Variants in MIGA1 observed in about 807,000 individuals in gnomAD.
MIGA1 encodes mitoguardin 1.
A neutral mutation model predicts 82.0 loss-of-function variants in MIGA1; 58 were observed. The ratio of observed to expected loss-of-function variants is 0.71; its 90% CI spans 0.57 to 0.88. MIGA1 has a LOEUF of 0.88. Among genes scored for constraint, MIGA1 ranks in the 40% least tolerant of loss-of-function variants. MIGA1 has a pLI of 0.00. For missense variants in MIGA1, 751 were observed against 749.1 expected (o/e 1.00, Z -0.03); for synonymous variants, 249 against 253.6 (o/e 0.98, Z 0.17).
At chr1:77,850,034 C>CA (rs377438344) in intron 8 of MIGA1, among the ~76,000 whole-genome samples, 13,010 of 97,260 alleles carry the variant, frequency 0.13, 737 homozygotes, top group African/African-American at 0.19. Flanking sequence ...GACTCTCTCT[C>CA]AAAAAAAAAA....
At chr1:77,873,723 G>A (rs886139583) in intron 15 of MIGA1, among the ~76,000 whole-genome samples, 20 of 152,236 alleles carry the variant, frequency 1.3e-4, no homozygotes, top group African/African-American at 4.6e-4. Flanking sequence ...TGCATTTCAA[G>A]GAGCAAATAA....
rs1682873872 is a variant in MIGA1 at position 77,801,378 on chromosome 1, G to T, written c.243G>T (p.Val81=). 1 of 1,589,472 alleles carries T rather than the reference G, an allele frequency of 6.3e-7. No homozygotes were observed. Among genetic ancestry groups the T allele is most frequent in the Admixed American group, 1.9e-5 (1 of 52,052 alleles). The change falls in exon 3 of 16, where the codon GTG becomes GTT. Residue 81 remains valine (V), a synonymous_variant. Coordinates refer to ENST00000370791, the MANE Select transcript of MIGA1 (RefSeq NM_198549.4). ...AAAAGTTGTTTGTGGTAACTGCAGTGAGTGCTATATCTGTAATTTTTCTGG... is the reference window on the plus strand; with the variant it reads ...AAAAGTTGTTTGTGGTAACTGCAGTTAGTGCTATATCTGTAATTTTTCTGG...
intron 2 of MIGA1, among the ~76,000 whole-genome samples, chr1:77,797,909 CCTTT>C (rs1682724448): frequency 1.3e-5 from 2 of 152,096 alleles, no homozygotes; most frequent in Admixed American, 6.6e-5. Context: ...TTTACTTCTT[CCTTT>C]CTAATATGTA....
At chr1:77,806,833 A>G in intron 4 of MIGA1, 142 bp from the exon 5 acceptor site, 1 of 601,954 alleles carries the variant, frequency 1.7e-6, no homozygotes, top group Non-Finnish European at 2.8e-6. Flanking sequence ...ATTGATTATC[A>G]TCAGAATTAT....
At position 77,822,792 on chromosome 1, in the gene MIGA1, T is replaced by C. The variant is rs1188245244; in HGVS notation, c.895+7561T>C. Among the ~76,000 whole-genome samples the C allele has an allele frequency of 2.0e-5, 3 of 151,992 alleles. No homozygotes were observed. The East Asian group carries it at 5.8e-4, about 29-fold the overall frequency. ...GAAGAGTAGTTTGCCAACTTAACAT[T>C]ATGGATAAGATTATAGGCGGACTGT... On this transcript the variant is annotated intron_variant, in intron 7 of 15. Transcript: ENST00000370791.
intron 15 of MIGA1, 112 bp downstream of exon 15, chr1:77,873,232 A>C (rs1571029402): frequency 9.3e-7 from 1 of 1,080,406 alleles, no homozygotes; most frequent in Non-Finnish European, 1.3e-6. Context: ...TTAAGAGTAA[A>C]GTTATAAAAG....
At chr1:77,782,299 G>A (rs777699813) in intron 1 of MIGA1, among the ~76,000 whole-genome samples, 8 of 152,068 alleles carry the variant, frequency 5.3e-5, no homozygotes, top group Non-Finnish European at 1.0e-4. Context: ...ATGCTTAGGC[G>A]TTTTCTTGGC....
At chr1:77,849,179 C>T (rs1259833534) in intron 8 of MIGA1, among the ~76,000 whole-genome samples, 1 of 152,148 alleles carries the variant, frequency 6.6e-6, no homozygotes, top group Non-Finnish European at 1.5e-5. Context: ...GCAGAAGGAT[C>T]ACTTGAGGCC....
intron 7 of MIGA1, among the ~76,000 whole-genome samples, chr1:77,842,762 G>A (rs1684675746): frequency 1.3e-5 from 2 of 152,110 alleles, no homozygotes; most frequent in Admixed American, 6.6e-5. Context: ...GGCTGGTCTC[G>A]AACTCCTGAT....
At chr1:77,859,850 CT>C in intron 10 of MIGA1, 189 bp from the exon 11 acceptor site, 7 of 475,086 alleles carry the variant, frequency 1.5e-5, no homozygotes, top group South Asian at 8.5e-5. Flanking sequence ...TCCCTTTAAT[CT>C]TTTTTTGACT....
chr1:77,844,144 A>C (rs892555269), intron 8 of MIGA1, among the ~76,000 whole-genome samples: 21 of 110,036 alleles, frequency 1.9e-4, no homozygotes, highest in African/African-American at 1.0e-3. Context: ...ATATAGATAG[A>C]TAGATAGATA....
chr1:77,804,123 C>G (rs182217955), intron 4 of MIGA1, among the ~76,000 whole-genome samples: 1 of 152,180 alleles, frequency 6.6e-6, no homozygotes, highest in Admixed American at 6.5e-5. Flanking sequence ...CTTCAAGAAG[C>G]TGGACAATGC....
At chr1:77,796,436 T>TTTTTC in intron 2 of MIGA1, among the ~76,000 whole-genome samples, 1 of 151,960 alleles carries the variant, frequency 6.6e-6, no homozygotes. Context: ...TTTTTTTTTT[T>TTTTTC]TTAAGAGATG....
At chr1:77,833,458 A>G (rs1346888803) in intron 7 of MIGA1, among the ~76,000 whole-genome samples, 2 of 152,222 alleles carry the variant, frequency 1.3e-5, no homozygotes, top group African/African-American at 4.8e-5. Context: ...GGTCCCAGAA[A>G]CATGAGAAAT....
intron 5 of MIGA1, among the ~76,000 whole-genome samples, chr1:77,812,041 T>A (rs1683359199): frequency 6.6e-6 from 1 of 152,208 alleles, no homozygotes; most frequent in African/African-American, 2.4e-5. Context: ...AGGCCAGGTG[T>A]GGTGGCTCAC....
intron 7 of MIGA1, among the ~76,000 whole-genome samples, chr1:77,827,762 G>A (rs987441340): frequency 1.3e-5 from 2 of 152,162 alleles, no homozygotes; most frequent in African/African-American, 4.8e-5. Flanking sequence ...TTGCATGCAG[G>A]TTCTCAGCAT....
intron 8 of MIGA1, chr1:77,848,422 A>G (rs1204961583): frequency 6.5e-6 from 6 of 923,526 alleles, no homozygotes; most frequent in African/African-American, 5.1e-5. Context: ...TATGAAAATA[A>G]TGATAAATAC....
At chr1:77,834,229 G>A (rs970748950) in intron 7 of MIGA1, among the ~76,000 whole-genome samples, 2 of 151,886 alleles carry the variant, frequency 1.3e-5, no homozygotes, top group Non-Finnish European at 2.9e-5. Context: ...AGGCTGGAGC[G>A]CAGTGGCGTG....
chr1:77,794,449 T>G (rs1682570441), intron 2 of MIGA1, among the ~76,000 whole-genome samples: 1 of 152,212 alleles, frequency 6.6e-6, no homozygotes, highest in South Asian at 2.1e-4. Context: ...ATAGGTATTT[T>G]GCAGAATGTC....
Sources: allele counts gnomAD v4.1 joint callset (sites outside exome capture counted in the v4.1 genomes callset), GRCh38; gene constraint gnomAD v4.1.1; transcripts MANE v1.5; gene names NCBI Gene and HGNC (gene_info 2026-07-23, HGNC 2026-07-21).